HLCS: variants seen among roughly 807,000 people sequenced by gnomAD.
HLCS encodes the protein biotin--protein ligase.
In HLCS, 53 loss-of-function variants were observed where a neutral mutation model predicts 75.0. That is an observed-to-expected ratio of 0.71 (90% CI 0.57 to 0.89). HLCS has a LOEUF of 0.89. HLCS is among the 40% of genes least tolerant of loss of function. HLCS has a pLI of 0.00. For synonymous variants in HLCS, 431 were observed against 428.6 expected, an observed-to-expected ratio of 1.01 and a Z score of -0.07; for missense variants, 966 against 1,074.0, an observed-to-expected ratio of 0.90 and a Z score of 1.41.
At chr21:36,775,021 G>A (rs2060313947) in intron 6 of HLCS, among the ~76,000 whole-genome samples, 1 of 152,098 alleles carries the variant, frequency 6.6e-6, no homozygotes, top group Non-Finnish European at 1.5e-5. Flanking sequence ...GTGTAGAACA[G>A]GATGAATGTT....
At chr21:36,869,052 C>CT (rs11384058) in intron 6 of HLCS, among the ~76,000 whole-genome samples, 75,983 of 151,770 alleles carry the variant, frequency 0.5, 21,494 homozygotes, top group African/African-American at 0.78. Context: ...ACAACTGCAA[C>CT]TTTTTTTCAA....
intron 6 of HLCS, among the ~76,000 whole-genome samples, chr21:36,843,349 G>C (rs1026236558): frequency 6.6e-6 from 1 of 152,178 alleles, no homozygotes; most frequent in African/African-American, 2.4e-5. Context: ...GAGGTAGGGC[G>C]ATCACATGAG....
chr21:36,789,107 T>G (rs1425295411), intron 6 of HLCS, among the ~76,000 whole-genome samples: 3 of 152,180 alleles, frequency 2.0e-5, no homozygotes, highest in East Asian at 1.9e-4. Flanking sequence ...CAGGCTAAAG[T>G]GCAGTGGTGC....
At chr21:36,965,360 T>C (rs752642365) in intron 1 of HLCS, among the ~76,000 whole-genome samples, 14 of 152,180 alleles carry the variant, frequency 9.2e-5, no homozygotes, top group Admixed American at 4.6e-4. Context: ...GCTACCGATG[T>C]CCATGAAATT....
At chr21:36,926,074 G>A (rs891911549) in intron 5 of HLCS, among the ~76,000 whole-genome samples, 21 of 152,148 alleles carry the variant, frequency 1.4e-4, no homozygotes, top group Admixed American at 9.8e-4. Flanking sequence ...CCAGGTGATC[G>A]CACCCCGGAC....
chr21:36,931,388 T>C (rs1397457505), intron 4 of HLCS, among the ~76,000 whole-genome samples: 1 of 151,508 alleles, frequency 6.6e-6, no homozygotes, highest in African/African-American at 2.4e-5. Flanking sequence ...GAAACTTCCA[T>C]TTTGCCTATT....
intron 4 of HLCS, 71 bp downstream of exon 4, chr21:36,936,378 A>C: frequency 1.5e-6 from 2 of 1,326,134 alleles, no homozygotes; most frequent in Non-Finnish European, 2.2e-6. Flanking sequence ...GTGTACCTTT[A>C]AAAGACATAT....
At chr21:36,928,347 T>C (rs1414840193) in intron 5 of HLCS, among the ~76,000 whole-genome samples, 2 of 152,188 alleles carry the variant, frequency 1.3e-5, no homozygotes, top group Non-Finnish European at 2.9e-5. Flanking sequence ...GGCAGGCAGA[T>C]TGCTTGAACT....
intron 6 of HLCS, among the ~76,000 whole-genome samples, chr21:36,834,696 C>T (rs867915352): frequency 3.9e-5 from 6 of 152,224 alleles, no homozygotes; most frequent in Non-Finnish European, 7.3e-5. Context: ...GCTGGGACTA[C>T]AGGCACATGC....
chr21:36,966,356 TC>T (rs2146689777), intron 1 of HLCS, 87 bp downstream of exon 1: 1 of 650,582 alleles, frequency 1.5e-6, no homozygotes, highest in East Asian at 1.4e-4. Flanking sequence ...GCTCCCGAAC[TC>T]CCGGGCTCCC....
chr21:36,944,268 T>C (rs1222482573), intron 2 of HLCS: 1 of 152,232 alleles, frequency 6.6e-6, no homozygotes, highest in Admixed American at 6.5e-5. Flanking sequence ...AGAAAAAAGA[T>C]GCCAAAGGAT....
At position 36,897,031 on chromosome 21, in the gene HLCS, A is replaced by T. The variant is rs1250866536; in HGVS notation, c.1721T>A (p.Val574Glu). 4 of 1,614,206 alleles carry T rather than the reference A, an allele frequency of 2.5e-6. No homozygotes were observed. In the Admixed American group the frequency reaches 6.7e-5, roughly 27 times the overall value. The change falls in exon 6 of 11, where the codon GTG (valine) becomes GAG (glutamate). Residue 574 changes from valine (V) to glutamate (E), a missense_variant. Val to Glu is a moderately radical substitution (Grantham distance 121, BLOSUM62 -2). Coordinates refer to ENST00000674895, the MANE Select transcript of HLCS (RefSeq NM_001352514.2). ...QLSLRFVSSY[V>E]SEVEITPSCI... ...AGATGGGGTTATTTCTACTTCAGAC[A>T]CGTAGGATGAAACAAATCTAAGAGA...
intron 6 of HLCS, among the ~76,000 whole-genome samples, chr21:36,891,735 A>G (rs2064795231): frequency 6.6e-6 from 1 of 152,214 alleles, no homozygotes; most frequent in South Asian, 2.1e-4. Flanking sequence ...ATGATCTCCA[A>G]CTAAAGCTAA....
intron 6 of HLCS, among the ~76,000 whole-genome samples, chr21:36,790,346 G>A (rs921872852): frequency 1.3e-5 from 2 of 152,182 alleles, no homozygotes; most frequent in African/African-American, 4.8e-5. Flanking sequence ...GAAGGTTACA[G>A]TGAGCTGAGA....
At chr21:36,794,745 A>T (rs1237836389) in intron 6 of HLCS, among the ~76,000 whole-genome samples, 1 of 152,142 alleles carries the variant, frequency 6.6e-6, no homozygotes, top group Non-Finnish European at 1.5e-5. Context: ...AGGAAGAAAG[A>T]GATGTGTTCT....
intron 6 of HLCS, among the ~76,000 whole-genome samples, chr21:36,768,937 G>C (rs1190688343): frequency 1.3e-5 from 2 of 152,068 alleles, no homozygotes; most frequent in African/African-American, 2.4e-5. Flanking sequence ...GCTTCCTAAG[G>C]CCCAGGGCTC....
chr21:36,763,036 CT>C (rs937458977), intron 8 of HLCS, among the ~76,000 whole-genome samples: 8 of 152,100 alleles, frequency 5.3e-5, no homozygotes, highest in Admixed American at 5.2e-4. Flanking sequence ...TTCTTTCTTC[CT>C]TTTTTTGATA....
chr21:36,883,068 G>A (rs549033059), intron 6 of HLCS, among the ~76,000 whole-genome samples: 4 of 152,266 alleles, frequency 2.6e-5, no homozygotes, highest in East Asian at 1.9e-4. Flanking sequence ...AAAATGTGGC[G>A]TTTGGGATCT....
At chr21:36,898,043 A>T (rs7278038) in intron 5 of HLCS, among the ~76,000 whole-genome samples, 50,550 of 152,090 alleles carry the variant, frequency 0.33, 8,684 homozygotes, top group Middle Eastern at 0.46. Flanking sequence ...GAGTAGTGGC[A>T]TCAGAGATGA....
Sources: gnomAD v4.1 joint callset for allele counts (sites outside exome capture counted in the v4.1 genomes callset) on GRCh38, gnomAD v4.1.1 for gene constraint, MANE v1.5 for transcripts, NCBI Gene and HGNC (gene_info 2026-07-23, HGNC 2026-07-21) for gene names.